MACROD2: variants seen among roughly 807,000 people sequenced by gnomAD.
The protein encoded by MACROD2 is ADP-ribose glycohydrolase MACROD2.
Under a neutral mutation model 70.4 loss-of-function variants are expected in MACROD2, and 36 were observed. The ratio of observed to expected loss-of-function variants is 0.51; its 90% CI spans 0.39 to 0.68. The LOEUF is 0.68. Among genes scored for constraint, MACROD2 ranks in the 30% least tolerant of loss-of-function variants. The probability of loss-of-function intolerance (pLI) is 0.00; values close to 1 mark genes in which losing one functional copy is unlikely to be tolerated. For missense variants in MACROD2, 496 were observed against 538.4 expected, an observed-to-expected ratio of 0.92 and a Z score of 0.78; for synonymous variants, 172 against 178.8, an observed-to-expected ratio of 0.96 and a Z score of 0.30.
intron 3 of MACROD2, among the ~76,000 whole-genome samples, chr20:14,272,403 A>T (rs1222313298): frequency 2.6e-5 from 4 of 151,988 alleles, no homozygotes; most frequent in African/African-American, 9.7e-5. Flanking sequence ...TAAGCTTCAT[A>T]AGTGAAGGAG....
intron 3 of MACROD2, among the ~76,000 whole-genome samples, chr20:14,389,304 C>A (rs1243753650): frequency 6.6e-6 from 1 of 151,622 alleles, no homozygotes; most frequent in African/African-American, 2.4e-5. Flanking sequence ...TGCCTGTAAT[C>A]CCAGCTACTC....
At chr20:15,456,362 T>C (rs2046726464) in intron 7 of MACROD2, among the ~76,000 whole-genome samples, 1 of 152,202 alleles carries the variant, frequency 6.6e-6, no homozygotes, top group South Asian at 2.1e-4. Flanking sequence ...TGGAGTTCTC[T>C]TCTGCTGATC....
At chr20:15,659,493 A>T (rs1466125297) in intron 8 of MACROD2, among the ~76,000 whole-genome samples, 1 of 151,762 alleles carries the variant, frequency 6.6e-6, no homozygotes, top group Non-Finnish European at 1.5e-5. Context: ...CATCAACCAG[A>T]AGTTTTTTGT....
At chr20:15,753,426 G>A (rs1437910049) in intron 8 of MACROD2, among the ~76,000 whole-genome samples, 1 of 152,144 alleles carries the variant, frequency 6.6e-6, no homozygotes, top group Admixed American at 6.5e-5. Flanking sequence ...CTGCATCCAT[G>A]TTGCTGCAAA....
chr20:15,777,515 TTCCTTCCTTCCTTCCTTC>T (rs2051745350), intron 8 of MACROD2, among the ~76,000 whole-genome samples: 1 of 2,390 alleles, frequency 4.2e-4, no homozygotes, highest in Non-Finnish European at 1.4e-3. Context: ...CCTTCTTTCC[TTCCTTCCTTCCTTCCTTC>T]CTTCCTTCCT....
chr20:15,822,236 A>C (rs969366549), intron 8 of MACROD2, among the ~76,000 whole-genome samples: 5 of 152,164 alleles, frequency 3.3e-5, no homozygotes, highest in African/African-American at 1.2e-4. Context: ...CCTGGGATCT[A>C]TTCTTGTACC....
intron 2 of MACROD2, among the ~76,000 whole-genome samples, chr20:14,060,813 C>T (rs1204509040): frequency 6.6e-6 from 1 of 152,018 alleles, no homozygotes; most frequent in Non-Finnish European, 1.5e-5. Flanking sequence ...GTATTTTGGC[C>T]AGCTGTGAAT....
chr20:15,181,659 G>C (rs1395292747), intron 5 of MACROD2, among the ~76,000 whole-genome samples: 1 of 152,072 alleles, frequency 6.6e-6, no homozygotes, highest in Admixed American at 6.5e-5. Context: ...TAGCATGCTT[G>C]GATTACTATA....
intron 2 of MACROD2, among the ~76,000 whole-genome samples, chr20:14,004,752 GT>G (rs1228463574): frequency 6.6e-6 from 1 of 152,086 alleles, no homozygotes; most frequent in Admixed American, 6.6e-5. Flanking sequence ...GCTTATACAT[GT>G]ATAAGTAGGT....
chr20:15,944,210 C>T (rs758139115), intron 12 of MACROD2, among the ~76,000 whole-genome samples: 12 of 151,826 alleles, frequency 7.9e-5, no homozygotes, highest in Admixed American at 3.9e-4. Flanking sequence ...TATTGATTTA[C>T]GAGGGAAAAG....
chr20:14,424,713 T>C (rs2083915094), intron 3 of MACROD2, among the ~76,000 whole-genome samples: 1 of 152,328 alleles, frequency 6.6e-6, no homozygotes, highest in Admixed American at 6.5e-5. Context: ...AGTATTTATG[T>C]CAATCATTTT....
chr20:15,676,204 T>C (rs1338360638), intron 8 of MACROD2, among the ~76,000 whole-genome samples: 2 of 152,242 alleles, frequency 1.3e-5, no homozygotes, highest in East Asian at 3.8e-4. Flanking sequence ...ATCTGCATCT[T>C]ATGTGCCTCC....
intron 8 of MACROD2, among the ~76,000 whole-genome samples, chr20:15,768,252 C>T (rs977611836): frequency 3.3e-5 from 5 of 151,952 alleles, no homozygotes; most frequent in African/African-American, 1.2e-4. Context: ...TGTGCTTATA[C>T]CAACCTAAAT....
intron 12 of MACROD2, among the ~76,000 whole-genome samples, chr20:15,965,859 C>T (rs2066133350): frequency 6.6e-6 from 1 of 152,096 alleles, no homozygotes; most frequent in Non-Finnish European, 1.5e-5. Context: ...GACTTTTAGA[C>T]TTATTGTCAG....
At chr20:14,334,154 T>C (rs1028999922) in intron 3 of MACROD2, among the ~76,000 whole-genome samples, 9 of 152,222 alleles carry the variant, frequency 5.9e-5, no homozygotes, top group African/African-American at 2.2e-4. Flanking sequence ...GCTTTCTACT[T>C]AAAATCTGTT....
At chr20:14,281,268 T>C (rs911823443) in intron 3 of MACROD2, among the ~76,000 whole-genome samples, 1 of 152,158 alleles carries the variant, frequency 6.6e-6, no homozygotes. Flanking sequence ...CTGATATTTA[T>C]TACAGTATGG....
intron 8 of MACROD2, among the ~76,000 whole-genome samples, chr20:15,860,433 A>T (rs748418622): frequency 6.6e-6 from 1 of 152,024 alleles, no homozygotes; most frequent in Non-Finnish European, 1.5e-5. Context: ...AGCCTGGGGG[A>T]AAAAAGTCAA....
At chr20:14,152,328 A>G (rs1251266560) in intron 3 of MACROD2, among the ~76,000 whole-genome samples, 1 of 152,168 alleles carries the variant, frequency 6.6e-6, no homozygotes, top group Non-Finnish European at 1.5e-5. Context: ...AGTCTATCAT[A>G]TTTGACAGTA....
intron 5 of MACROD2, among the ~76,000 whole-genome samples, chr20:14,854,081 A>G (rs888894925): frequency 2.0e-4 from 31 of 152,062 alleles, no homozygotes; most frequent in Non-Finnish European, 5.9e-5. Context: ...AACCTGCTCC[A>G]TGACCCCAGG....
Sources: allele counts gnomAD v4.1 joint callset (sites outside exome capture counted in the v4.1 genomes callset), GRCh38; gene constraint gnomAD v4.1.1; transcripts MANE v1.5; gene names NCBI Gene and HGNC (gene_info 2026-07-23, HGNC 2026-07-21).